Variants in ARNT2 observed in about 807,000 individuals in gnomAD.
ARNT2 encodes ARNT protein 2.
A neutral mutation model predicts 91.7 loss-of-function variants in ARNT2; 36 were observed. The ratio of observed to expected loss-of-function variants is 0.39; its 90% CI spans 0.30 to 0.52. ARNT2 has a LOEUF of 0.52. Among genes scored for constraint, ARNT2 ranks in the 20% least tolerant of loss-of-function variants. The probability of loss-of-function intolerance (pLI) is 0.72; values close to 1 mark genes in which losing one functional copy is unlikely to be tolerated. For missense variants in ARNT2, 775 were observed against 939.3 expected (o/e 0.83, Z 2.29); for synonymous variants, 365 against 347.1 (o/e 1.05, Z -0.57).
chr15:80,426,152 A>G (rs2141565256), intron 1 of ARNT2, among the ~76,000 whole-genome samples: 1 of 152,268 alleles, frequency 6.6e-6, no homozygotes, highest in Non-Finnish European at 1.5e-5. Flanking sequence ...GAAGCAGCAA[A>G]ATGCTCAATT....
At chr15:80,558,486 T>A (rs1898245947) in intron 11 of ARNT2, among the ~76,000 whole-genome samples, 1 of 152,014 alleles carries the variant, frequency 6.6e-6, no homozygotes, top group South Asian at 2.1e-4. Context: ...ATTACAGGCC[T>A]GTGCTGTCAC....
In ARNT2 at chr15:80,470,356, G is replaced by T. The variant is rs761122065; in HGVS notation, c.333G>T (p.Ser111=). 6.2e-7 allele frequency: 1 copy of T among 1,614,010 alleles called. No homozygotes were observed. The highest frequency in any genetic ancestry group is 1.3e-5 in the African/African-American group (1 of 74,898). Residue 111 remains serine, a synonymous_variant, in exon 4 of 19, where the codon TCG becomes TCT. Transcript: ENST00000303329. ...TCACCATCCTCCGCATGGCCGTCTC[G>T]CACATGAAGTCCATGAGGGGTACAG... ...DKLTILRMAV[S]HMKSMRGTGN...
chr15:80,541,629 C>G (rs1288556817), intron 8 of ARNT2, among the ~76,000 whole-genome samples: 8 of 152,094 alleles, frequency 5.3e-5, no homozygotes, highest in Admixed American at 5.2e-4. Flanking sequence ...TTTAATCCGT[C>G]TTGACCATTT....
rs560530352 is a variant in ARNT2 at position 80,515,409 on chromosome 15, G to A, written c.877+1004G>A. ...ATGGAATATTATTCAGGAATAAAAA[G>A]CAATGAAGTATTGATACATGCTATA... is the stretch of plus-strand genomic sequence containing the variant. On this transcript the variant is annotated intron_variant, in intron 8 of 18. Transcript: ENST00000303329. Among the ~76,000 whole-genome samples, 198 of 152,260 alleles carry A rather than the reference G, an allele frequency of 1.3e-3. 1 individual carries two copies. Among genetic ancestry groups the A allele is most frequent in the African/African-American group, 4.6e-3 (192 of 41,550 alleles).
At chr15:80,479,268 G>A (rs1482184064) in intron 5 of ARNT2, among the ~76,000 whole-genome samples, 1 of 152,248 alleles carries the variant, frequency 6.6e-6, no homozygotes, top group East Asian at 1.9e-4. Context: ...TGGGGTGAGG[G>A]TGATGGTGGA....
chr15:80,559,374 C>T (rs1410341778), intron 11 of ARNT2, among the ~76,000 whole-genome samples: 2 of 152,204 alleles, frequency 1.3e-5, no homozygotes, highest in Non-Finnish European at 1.5e-5. Context: ...TGGGCAGCGG[C>T]CAAGCAGCCA....
intron 3 of ARNT2, among the ~76,000 whole-genome samples, chr15:80,463,744 AATTTTTTGT>A (rs1896600845): frequency 6.6e-6 from 1 of 151,836 alleles, no homozygotes; most frequent in Admixed American, 6.6e-5. Context: ...GCGCCCGGCT[AATTTTTTGT>A]ATTTTTTGTA....
intron 1 of ARNT2, among the ~76,000 whole-genome samples, chr15:80,431,458 G>A (rs1383647644): frequency 6.6e-6 from 1 of 152,130 alleles, no homozygotes; most frequent in Non-Finnish European, 1.5e-5. Context: ...CAGTAACAAT[G>A]AGGCTTCCCT....
intron 5 of ARNT2, among the ~76,000 whole-genome samples, chr15:80,486,728 G>GCT (rs1186145387): frequency 1.3e-5 from 2 of 152,200 alleles, no homozygotes; most frequent in African/African-American, 4.8e-5. Context: ...ATTGTGCCCT[G>GCT]CTGGGGGATA....
At chr15:80,522,993 A>G (rs1897578474) in intron 8 of ARNT2, among the ~76,000 whole-genome samples, 2 of 152,048 alleles carry the variant, frequency 1.3e-5, no homozygotes, top group African/African-American at 4.8e-5. Flanking sequence ...TAGATCCAGA[A>G]AGTCTTGACA....
At chr15:80,488,639 C>G (rs1414317474) in intron 5 of ARNT2, 1 of 152,144 alleles carries the variant, frequency 6.6e-6, no homozygotes, top group Non-Finnish European at 1.5e-5. Context: ...CTTTCAAAAG[C>G]TACCCTGATG....
At chr15:80,441,427 G>A in intron 1 of ARNT2, 1 of 977,684 alleles carries the variant, frequency 1.0e-6, no homozygotes, top group Non-Finnish European at 1.2e-6. Flanking sequence ...ATTGTTCTAA[G>A]AGAGATGAAT....
intron 1 of ARNT2, among the ~76,000 whole-genome samples, chr15:80,414,505 C>T (rs767151396): frequency 1.1e-4 from 16 of 152,162 alleles, no homozygotes; most frequent in Non-Finnish European, 1.5e-4. Context: ...GAAAATGTGA[C>T]AGCTTTAAAA....
At chr15:80,582,817 C>T (rs531985622) in intron 17 of ARNT2, among the ~76,000 whole-genome samples, 111 of 152,354 alleles carry the variant, frequency 7.3e-4, no homozygotes, top group Non-Finnish European at 1.3e-3. Flanking sequence ...GCACTCAGCA[C>T]GGTTACCACC....
At chr15:80,461,254 CA>C (rs1426304035) in intron 3 of ARNT2, among the ~76,000 whole-genome samples, 1 of 152,150 alleles carries the variant, frequency 6.6e-6, no homozygotes, top group Non-Finnish European at 1.5e-5. Flanking sequence ...GGTGTGGATA[CA>C]GGGAATGGAG....
At chr15:80,555,160 C>G (rs772450935) in intron 11 of ARNT2, 21 bp downstream of exon 11, 1 of 1,612,450 alleles carries the variant, frequency 6.2e-7, no homozygotes, top group Non-Finnish European at 8.5e-7. Context: ...CCAGTACCCA[C>G]TTAAAGCTGA....
chr15:80,474,622 C>T (rs530210817), intron 4 of ARNT2, among the ~76,000 whole-genome samples: 2 of 152,302 alleles, frequency 1.3e-5, no homozygotes, highest in Non-Finnish European at 2.9e-5. Context: ...ACCTTTTGTG[C>T]CAAGCACTAT....
At chr15:80,581,806 T>A (rs1030555837) in intron 17 of ARNT2, among the ~76,000 whole-genome samples, 1 of 152,218 alleles carries the variant, frequency 6.6e-6, no homozygotes, top group Non-Finnish European at 1.5e-5. Context: ...TTCTGTCTCT[T>A]TTAAATATTA....
intron 8 of ARNT2, among the ~76,000 whole-genome samples, chr15:80,545,171 C>T (rs527585068): frequency 1.3e-5 from 2 of 152,354 alleles, no homozygotes; most frequent in South Asian, 4.1e-4. Flanking sequence ...CAGGAGAACA[C>T]CTTCTTCCTT....
Sources: gnomAD v4.1 joint callset for allele counts (sites outside exome capture counted in the v4.1 genomes callset) on GRCh38, gnomAD v4.1.1 for gene constraint, MANE v1.5 for transcripts, NCBI Gene and HGNC (gene_info 2026-07-23, HGNC 2026-07-21) for gene names.